LGI4: variants seen among roughly 807,000 people sequenced by gnomAD.
LGI4 encodes leucine rich repeat LGI family member 4, also known as leucine-rich repeat LGI family member 4.
Under a neutral mutation model 48.3 loss-of-function variants are expected in LGI4, and 36 were observed. That is an observed-to-expected ratio of 0.75 (90% CI 0.57 to 0.98). The LOEUF (loss-of-function observed/expected upper bound fraction) is 0.98, where lower values mean the gene tolerates loss of function less well. Ranked by LOEUF, LGI4 falls within the 50% of genes least tolerant of loss-of-function variation. LGI4 has a pLI of 0.00. For synonymous variants in LGI4, 355 were observed against 331.6 expected (o/e 1.07, Z -0.77); for missense variants, 701 against 732.1 (o/e 0.96, Z 0.49).
intron 3 of LGI4, among the ~76,000 whole-genome samples, chr19:35,132,801 G>A (rs771199511): frequency 3.3e-5 from 5 of 151,886 alleles, no homozygotes; most frequent in African/African-American, 4.8e-5. Context: ...CAGCATGAGC[G>A]CCACCAACAC....
chr19:35,133,812 C>T (rs1288424179), intron 2 of LGI4, 48 bp from the exon 3 acceptor site: 30 of 1,553,794 alleles, frequency 1.9e-5, no homozygotes, highest in Admixed American at 3.8e-5. Flanking sequence ...CAGCCCCCAT[C>T]TGACATTTTA....
At position 35,131,536 on chromosome 19, in the gene LGI4, A is replaced by C; in HGVS notation, c.478T>G (p.Phe160Val). 1 of 1,551,010 alleles carries C rather than the reference A, an allele frequency of 6.4e-7. No individual in the cohort carries two copies. The highest frequency in any genetic ancestry group is 8.7e-7 in the Non-Finnish European group (1 of 1,146,810). Residue 160 changes from phenylalanine to valine, a missense_variant, in exon 6 of 9, where the codon TTC (phenylalanine) becomes GTC (valine). This residue lies in a region of LGI4 where 462 missense variants were observed against 436.4 expected (regional missense o/e 1.06). Transcript: ENST00000310123. ...LTHVDLRGNP[F>V]QCDCRVLWLL... ...CAGAGGACGCGGCAGTCACACTGGA[A>C]CGGGTTCCCGCGGAGGTCCCTGGGG...
chr19:35,134,818 C>T lies in LGI4; in HGVS notation c.-138G>A, dbSNP rs762794081. The T allele has an allele frequency of 3.7e-5, 21 of 563,590 alleles. No individual in the cohort carries two copies. The highest frequency in any genetic ancestry group is 5.3e-5 in the Non-Finnish European group (17 of 321,374). The allele number at this position is 563,590 out of a possible 1,614,324, so 34.9% of individuals were successfully genotyped here. On this transcript the variant is annotated 5_prime_UTR_variant, in exon 1 of 9. Transcript: ENST00000310123. Reference sequence around the variant, plus strand: ...GCCCTGGCTTCTCTCTCCTCTTCTCCGTCTTTCTTTCAGTCGGCCTTCCTC... The same window carrying T: ...GCCCTGGCTTCTCTCTCCTCTTCTCTGTCTTTCTTTCAGTCGGCCTTCCTC...
At position 35,126,585 on chromosome 19, in the gene LGI4, T is replaced by C; in HGVS notation, c.984A>G (p.Gln328=). 6.5e-7 allele frequency: 1 copy of C among 1,540,520 alleles called. No individual in the cohort carries two copies. Among genetic ancestry groups the C allele is most frequent in the Non-Finnish European group, 8.7e-7 (1 of 1,148,896 alleles). ...NDAELLWLEG[Q]PCFVVADASK... is the part of the protein sequence containing the mutation. ...AGGCATCGGCCACCACGAAGCAGGGTTGCCCTTCCAGCCACAGGAGCTCGG... is the reference window on the plus strand; with the variant it reads ...AGGCATCGGCCACCACGAAGCAGGGCTGCCCTTCCAGCCACAGGAGCTCGG... The change falls in exon 8 of 9, where the codon CAA becomes CAG. Residue 328 remains glutamine (Q), a synonymous_variant. Coordinates refer to ENST00000310123, the MANE Select transcript of LGI4 (RefSeq NM_139284.3).
chr19:35,130,178 G>A (rs1286986664), intron 6 of LGI4, among the ~76,000 whole-genome samples: 1 of 152,090 alleles, frequency 6.6e-6, no homozygotes, highest in Non-Finnish European at 1.5e-5. Context: ...AATAAATACT[G>A]AGAGAACTCA....
intron 8 of LGI4, chr19:35,126,054 G>A (rs1039616352): frequency 2.5e-5 from 15 of 607,942 alleles, no homozygotes; most frequent in Admixed American, 5.8e-5. Context: ...AGCATTTGGG[G>A]GTAGAATCAG....
At position 35,131,494 on chromosome 19, in the gene LGI4, G is replaced by T. The variant is rs866903315; in HGVS notation, c.520C>A (p.Pro174Thr). The T allele has an allele frequency of 3.9e-6, 6 of 1,551,166 alleles. No homozygotes were observed. Among genetic ancestry groups the T allele is most frequent in the Non-Finnish European group, 5.2e-6 (6 of 1,146,946 alleles). The change falls in exon 6 of 9, where the codon CCC becomes ACC. Residue 174 changes from proline (P) to threonine (T), a missense_variant. Physicochemically the swap from Pro to Thr is conservative, Grantham distance 38. Around this residue, in one of 3 missense-constraint regions of LGI4, gnomAD observed 462 missense variants for 436.4 expected, o/e 1.06. Coordinates refer to ENST00000310123, the MANE Select transcript of LGI4 (RefSeq NM_139284.3). ...CRVLWLLQWM[P>T]TVNASVGTGA... Reference sequence around the variant, plus strand: ...GTCCCCACGCTGGCATTCACGGTGGGCATCCACTGCAGGAGCCAGAGGACG... The same window carrying T: ...GTCCCCACGCTGGCATTCACGGTGGTCATCCACTGCAGGAGCCAGAGGACG...
At position 35,125,388 on chromosome 19, in the gene LGI4, G is replaced by A. The variant is rs754055592; in HGVS notation, c.1419C>T (p.Phe473=). The A allele has an allele frequency of 2.9e-5, 46 of 1,612,564 alleles. No homozygotes were observed. Among genetic ancestry groups the A allele is most frequent in the Non-Finnish European group, 3.7e-5 (44 of 1,179,286 alleles). ...CAAGGCGGAGGACCTGGCTGAAGGC[G>A]AAGTCGCTGCCTAGGATGGCCAGCT... ...RDQLAILGSD[F]AFSQVLRLEP... Residue 473 remains phenylalanine, a synonymous_variant, in exon 9 of 9, where the codon TTC becomes TTT. Coordinates refer to ENST00000310123, the MANE Select transcript of LGI4 (RefSeq NM_139284.3).
intron 6 of LGI4, among the ~76,000 whole-genome samples, chr19:35,130,817 G>C (rs1393061420): frequency 6.6e-6 from 1 of 152,154 alleles, no homozygotes; most frequent in Non-Finnish European, 1.5e-5. Flanking sequence ...AGCTCCCACA[G>C]CTTTCCCCAT....
At chr19:35,128,315 C>T (rs1435449170) in intron 6 of LGI4, among the ~76,000 whole-genome samples, 1 of 152,234 alleles carries the variant, frequency 6.6e-6, no homozygotes, top group Non-Finnish European at 1.5e-5. Flanking sequence ...GCGTGCCAGG[C>T]CCTGTTTCCA....
intron 3 of LGI4, chr19:35,133,215 A>G (rs1388181757): frequency 5.6e-6 from 2 of 355,504 alleles, no homozygotes; most frequent in Non-Finnish European, 8.2e-6. Context: ...ACCCACACCA[A>G]TGCCAGCATT....
rs1296801336 is a variant in LGI4, at chr19:35,125,184, T to C, written c.*9A>G. 1.1e-5 allele frequency: 17 copies of C among 1,509,950 alleles called. No individual in the cohort carries two copies. In the East Asian group the frequency reaches 2.7e-4, roughly 24 times the overall value. 93.5% of individuals were successfully genotyped at this position (1,509,950 alleles called of 1,614,324 possible). On this transcript the variant is annotated 3_prime_UTR_variant, in exon 9 of 9. Coordinates refer to ENST00000310123, the MANE Select transcript of LGI4 (RefSeq NM_139284.3). Reference sequence around the variant, plus strand: ...GGCCCCAGCCATGCCCAGAGTCCCGTTGGTGGTCTCAGGCACTGAGGTCGA... The same window carrying C: ...GGCCCCAGCCATGCCCAGAGTCCCGCTGGTGGTCTCAGGCACTGAGGTCGA...
Position 35,127,026 on chromosome 19 carries a change from G to A in LGI4, c.629-9C>T. The A allele has an allele frequency of 6.4e-7, 1 of 1,573,344 alleles. No homozygotes were observed. Among genetic ancestry groups the A allele is most frequent in the Admixed American group, 1.7e-5 (1 of 57,614 alleles). ...CTGGAACCAGGACAGCTCTGTGGGT[G>A]GAGAAGAGAGTCAGGCAGGCCCCAG... On this transcript the variant is annotated splice_polypyrimidine_tract_variant and intron_variant, in intron 6 of 8. Coordinates refer to ENST00000310123, the MANE Select transcript of LGI4 (RefSeq NM_139284.3).
At chr19:35,129,386 T>C (rs1375515244) in intron 6 of LGI4, among the ~76,000 whole-genome samples, 1 of 152,002 alleles carries the variant, frequency 6.6e-6, no homozygotes, top group Non-Finnish European at 1.5e-5. Context: ...AGACTGTTAC[T>C]GTGTCTATGC....
rs1321084256 is a variant in LGI4 at position 35,125,369 on chromosome 19, G to A, written c.1438C>T (p.Arg480Cys). Reference protein sequence around the residue: ...GSDFAFSQVLRLEPDKGLLEP... With the variant: ...GSDFAFSQVLCLEPDKGLLEP... ...AGGAGCCCCTTGTCAGGCTCAAGGC[G>A]GAGGACCTGGCTGAAGGCGAAGTCG... Residue 480 changes from arginine to cysteine, a missense_variant, in exon 9 of 9, where the codon CGC (arginine) becomes TGC (cysteine). Physicochemically the swap from Arg to Cys is radical, Grantham distance 180. This residue lies in a region of LGI4 where 223 missense variants were observed against 263.3 expected (regional missense o/e 0.85). Coordinates refer to ENST00000310123, the MANE Select transcript of LGI4 (RefSeq NM_139284.3). 7 of 1,613,274 alleles carry A rather than the reference G, an allele frequency of 4.3e-6. No individual in the cohort carries two copies. The highest frequency in any genetic ancestry group is 5.1e-6 in the Non-Finnish European group (6 of 1,179,638).
intron 1 of LGI4, 71 bp downstream of exon 1, chr19:35,134,440 C>G (rs2065195672): frequency 6.7e-7 from 1 of 1,485,244 alleles, no homozygotes; most frequent in Non-Finnish European, 9.2e-7. Context: ...AGACCCGGCA[C>G]CACATCCCAA....
rs2065140076 is a variant in LGI4 at position 35,126,637 on chromosome 19, G to A, written c.932C>T (p.Pro311Leu). 1.3e-6 allele frequency: 2 copies of A among 1,539,804 alleles called. No individual in the cohort carries two copies. The highest frequency in any genetic ancestry group is 1.7e-6 in the Non-Finnish European group (2 of 1,148,610). The change falls in exon 8 of 9, where the codon CCG becomes CTG. Residue 311 changes from proline (P) to leucine (L), a missense_variant. Pro to Leu is a moderately conservative substitution (Grantham distance 98). This residue lies in a region of LGI4 where 462 missense variants were observed against 436.4 expected (regional missense o/e 1.06). Transcript: ENST00000310123. ...GTCATTGGGCCGCAGCAGCCGCCGC[G>A]GGGCCAGGGTCTGCGTTGGGGCCAG... Reference protein sequence around the residue: ...LRLAPTQTLAPRRLLRPNDAE... With the variant: ...LRLAPTQTLALRRLLRPNDAE...
rs778966473 is a variant in LGI4 at position 35,125,186 on chromosome 19, G to T, written c.*7C>A. ...CCCCAGCCATGCCCAGAGTCCCGTT[G>T]GTGGTCTCAGGCACTGAGGTCGATC... is the stretch of plus-strand genomic sequence containing the variant. On this transcript the variant is annotated 3_prime_UTR_variant, in exon 9 of 9. Transcript: ENST00000310123. 4.0e-6 allele frequency: 6 copies of T among 1,513,140 alleles called. No individual in the cohort carries two copies. The highest frequency in any genetic ancestry group is 1.8e-4 in the Middle Eastern group (1 of 5,596). 93.7% of individuals were successfully genotyped at this position (1,513,140 alleles called of 1,614,324 possible).
chr19:35,127,034 GAGTC>G lies in LGI4; in HGVS notation c.629-21_629-18del. 6.4e-7 allele frequency: 1 copy of G among 1,563,744 alleles called. No homozygotes were observed. Among genetic ancestry groups the G allele is most frequent in the Non-Finnish European group, 8.7e-7 (1 of 1,151,626 alleles). On this transcript the variant is annotated intron_variant, in intron 6 of 8. Transcript: ENST00000310123. ...AGGACAGCTCTGTGGGTGGAGAAGA[GAGTC>G]AGGCAGGCCCCAGGACCCCCAGGGT...
Sources: gnomAD v4.1 joint callset for allele counts (sites outside exome capture counted in the v4.1 genomes callset) on GRCh38, gnomAD v4.1.1 for gene constraint, gnomAD v4.1.1 regional missense constraint, MANE v1.5 for transcripts, NCBI Gene and HGNC (gene_info 2026-07-23, HGNC 2026-07-21) for gene names.